EDEM3: variants seen among roughly 807,000 people sequenced by gnomAD.
The protein encoded by EDEM3 is ER degradation-enhancing alpha-mannosidase-like protein 3.
Under a neutral mutation model 110.2 loss-of-function variants are expected in EDEM3, and 60 were observed. That is an observed-to-expected ratio of 0.54 (90% CI 0.44 to 0.67). The LOEUF is 0.67. Ranked by LOEUF, EDEM3 falls within the 30% of genes least tolerant of loss-of-function variation. EDEM3 has a pLI of 0.00. For missense variants in EDEM3, 996 were observed against 1,121.0 expected (o/e 0.89, Z 1.59); for synonymous variants, 352 against 382.9 (o/e 0.92, Z 0.94).
intron 17 of EDEM3, 126 bp downstream of exon 17, chr1:184,708,027 C>T: frequency 2.0e-5 from 17 of 848,506 alleles, no homozygotes; most frequent in Non-Finnish European, 2.7e-5. Flanking sequence ...TACTTAAATC[C>T]AGGAGATTGA....
intron 6 of EDEM3, among the ~76,000 whole-genome samples, chr1:184,726,863 G>C (rs895217979): frequency 3.9e-5 from 6 of 152,124 alleles, no homozygotes; most frequent in African/African-American, 1.4e-4. Flanking sequence ...GGATTGTTAT[G>C]GTATACATTT....
chr1:184,716,716 T>C lies in EDEM3; in HGVS notation c.1370+172A>G, dbSNP rs567484598. On this transcript the variant is annotated intron_variant, in intron 13 of 19. Coordinates refer to ENST00000318130, the MANE Select transcript of EDEM3 (RefSeq NM_025191.4). The stretch of plus-strand genomic sequence containing the variant: ...GGCACTATGATAAAAATACAAACTT[T>C]TCAAACAAATTAAAATTAGTGTATT... Among the ~76,000 whole-genome samples the C allele has an allele frequency of 2.0e-5, 3 of 152,178 alleles. No homozygotes were observed. In the South Asian group the frequency reaches 6.2e-4, roughly 32 times the overall value.
chr1:184,717,431 T>TA (rs1650612488), intron 12 of EDEM3, 109 bp downstream of exon 12: 1 of 769,912 alleles, frequency 1.3e-6, no homozygotes, highest in African/African-American at 1.8e-5. Flanking sequence ...ATCCAATCAT[T>TA]ATAATATTAA....
intron 2 of EDEM3, among the ~76,000 whole-genome samples, chr1:184,744,251 TATATATATATATATATATATATATATA>T (rs1048721751): frequency 1.7e-3 from 28 of 16,190 alleles, no homozygotes; most frequent in African/African-American, 8.8e-3. Flanking sequence ...AAATGACAAA[TATATATATATATATATATATATATATA>T]TATATATATA....
chr1:184,706,106 TC>T (rs1415066825), intron 18 of EDEM3, among the ~76,000 whole-genome samples: 1 of 151,946 alleles, frequency 6.6e-6, no homozygotes, highest in African/African-American at 2.4e-5. Context: ...TATTATCACT[TC>T]CACTGGAGCT....
rs190844146 is a variant in EDEM3 at position 184,740,922 on chromosome 1, A to G, written c.205-3211T>C. 4.0e-4 allele frequency among the ~76,000 whole-genome samples: 61 copies of G among 152,328 alleles called. 2 individuals carry two copies. The East Asian group carries it at 0.011, about 28-fold the overall frequency. ...AACTTCCCATTAAAGAAATCCTCAG[A>G]TATTTCATGACACTGAAAGAGCAAA... On this transcript the variant is annotated intron_variant, in intron 2 of 19. Coordinates refer to ENST00000318130, the MANE Select transcript of EDEM3 (RefSeq NM_025191.4).
chr1:184,727,870 C>T (rs1651276507), intron 6 of EDEM3, among the ~76,000 whole-genome samples: 1 of 152,052 alleles, frequency 6.6e-6, no homozygotes, highest in South Asian at 2.1e-4. Context: ...ATCTCCTGCC[C>T]CCTTATGCTG....
At chr1:184,733,372 G>A (rs572949554) in intron 5 of EDEM3, among the ~76,000 whole-genome samples, 32 of 152,042 alleles carry the variant, frequency 2.1e-4, no homozygotes, top group Non-Finnish European at 3.4e-4. Context: ...AAAACCTCTC[G>A]CTCTAGATTA....
In EDEM3 at chr1:184,749,606, A is replaced by T; in HGVS notation, c.159-14T>A. The stretch of plus-strand genomic sequence containing the variant: ...AGTACTTGATTCCTAATTTTAAAAG[A>T]GCAGAAATGGAAAAAAAAAAAAAAA... On this transcript the variant is annotated splice_polypyrimidine_tract_variant and intron_variant, in intron 1 of 19. Transcript: ENST00000318130. 6.7e-7 allele frequency: 1 copy of T among 1,492,388 alleles called. No homozygotes were observed. The highest frequency in any genetic ancestry group is 9.0e-7 in the Non-Finnish European group (1 of 1,105,998). The allele number at this position is 1,492,388 out of a possible 1,614,324, so 92.4% of individuals were successfully genotyped here. A position where few individuals can be genotyped will look rare whatever the true frequency, so the allele number is the denominator to read the frequency against.
At chr1:184,754,143 G>A (rs1652946882) in intron 1 of EDEM3, among the ~76,000 whole-genome samples, 1 of 152,202 alleles carries the variant, frequency 6.6e-6, no homozygotes, top group Admixed American at 6.5e-5. Flanking sequence ...CCATGCTTCG[G>A]TCGACAGGCA....
At chr1:184,710,358 C>T in intron 16 of EDEM3, 36 bp downstream of exon 16, 1 of 1,601,336 alleles carries the variant, frequency 6.2e-7, no homozygotes, top group South Asian at 1.1e-5. Flanking sequence ...GAAAGCAGGG[C>T]AGAGACGGTA....
chr1:184,727,490 T>C (rs936358659), intron 6 of EDEM3, among the ~76,000 whole-genome samples: 1 of 152,262 alleles, frequency 6.6e-6, no homozygotes, highest in East Asian at 1.9e-4. Flanking sequence ...TCAAACTCTA[T>C]ATAAAGAGAA....
rs1456364517 is a variant in EDEM3 at position 184,719,145 on chromosome 1, A to C, written c.1161+17T>G. On this transcript the variant is annotated intron_variant, in intron 11 of 19. Transcript: ENST00000318130. ...GTTTGTGTGTGTGTAAGATTATTCC[A>C]AAAATTATTTGCTTACCTCTGGTAG... The C allele has an allele frequency of 6.7e-7, 1 of 1,494,524 alleles. No individual in the cohort carries two copies. Among genetic ancestry groups the C allele is most frequent in the Non-Finnish European group, 9.0e-7 (1 of 1,105,756 alleles). 92.6% of individuals were successfully genotyped at this position (1,494,524 alleles called of 1,614,324 possible). A position where few individuals can be genotyped will look rare whatever the true frequency, so the allele number is the denominator to read the frequency against.
chr1:184,722,307 G>A (rs1650949736), intron 8 of EDEM3, among the ~76,000 whole-genome samples: 1 of 151,760 alleles, frequency 6.6e-6, no homozygotes, highest in Admixed American at 6.6e-5. Flanking sequence ...AGTCTTTTTA[G>A]TGTTATGACA....
At chr1:184,729,233 C>T (rs1651363196) in intron 6 of EDEM3, among the ~76,000 whole-genome samples, 1 of 152,096 alleles carries the variant, frequency 6.6e-6, no homozygotes, top group African/African-American at 2.4e-5. Context: ...CTGGTTCCTC[C>T]TAATTCTGTG....
At position 184,692,806 on chromosome 1, in the gene EDEM3, G is replaced by A. The variant is rs1003247814; in HGVS notation, c.*1257C>T. The A allele has an allele frequency of 1.4e-5, 2 of 147,490 alleles. No homozygotes were observed. Among genetic ancestry groups the A allele is most frequent in the African/African-American group, 2.5e-5 (1 of 40,544 alleles). The allele number at this position is 147,490 out of a possible 1,614,324, so 9.1% of individuals were successfully genotyped here. On this transcript the variant is annotated 3_prime_UTR_variant, in exon 20 of 20. Transcript: ENST00000318130. ...ACAAACCAAAAAAAAAAAGGGGGGG[G>A]GTGGAAGTCTCATTAAGCTATATAG...
intron 15 of EDEM3, 133 bp from the exon 16 acceptor site, chr1:184,710,680 G>T: frequency 2.9e-6 from 3 of 1,045,658 alleles, no homozygotes; most frequent in South Asian, 1.8e-5. Context: ...TAACTAGAAA[G>T]TATTTTCTTA....
chr1:184,724,202 C>T (rs74458677), intron 7 of EDEM3, among the ~76,000 whole-genome samples: 1 of 151,906 alleles, frequency 6.6e-6, no homozygotes, highest in Non-Finnish European at 1.5e-5. Flanking sequence ...ATATTAATTG[C>T]TTACATAATT....
At chr1:184,730,905 T>C (rs1651474833) in intron 6 of EDEM3, among the ~76,000 whole-genome samples, 1 of 149,434 alleles carries the variant, frequency 6.7e-6, no homozygotes, top group Non-Finnish European at 1.5e-5. Context: ...ACACTATAGA[T>C]TGTTCTAGCT....
Sources: allele counts gnomAD v4.1 joint callset (sites outside exome capture counted in the v4.1 genomes callset), GRCh38; gene constraint gnomAD v4.1.1; transcripts MANE v1.5; gene names NCBI Gene and HGNC (gene_info 2026-07-23, HGNC 2026-07-21).